Variants in CDC14B observed in about 807,000 individuals in gnomAD.
CDC14B encodes dual specificity protein phosphatase CDC14B.
Under a neutral mutation model 64.2 loss-of-function variants are expected in CDC14B, and 22 were observed. The observed-to-expected ratio is 0.34, with a 90% CI of 0.24 to 0.49. The LOEUF (loss-of-function observed/expected upper bound fraction) is 0.49. CDC14B is among the 20% of genes least tolerant of loss of function. CDC14B has a pLI of 0.99. For synonymous variants in CDC14B, 191 were observed against 215.8 expected (o/e 0.89, Z 1.01); for missense variants, 498 against 629.9 (o/e 0.79, Z 2.24).
chr9:96,525,146 A>G (rs928718799), intron 9 of CDC14B, among the ~76,000 whole-genome samples: 3 of 152,142 alleles, frequency 2.0e-5, no homozygotes, highest in Non-Finnish European at 4.4e-5. Flanking sequence ...ATTGCAAAAA[A>G]TAAGAGTGTT....
At position 96,534,047 on chromosome 9, in the gene CDC14B, C is replaced by G; in HGVS notation, c.826G>C (p.Ala276Pro). 1 of 1,613,198 alleles carries G rather than the reference C, an allele frequency of 6.2e-7. No individual in the cohort carries two copies. Among genetic ancestry groups the G allele is most frequent in the Non-Finnish European group, 8.5e-7 (1 of 1,179,330 alleles). ...AAAAGATCATGGTGATCGAAGCCAG[C>G]ATCCGTAAAGCGTTTGGCATCATAC... is the stretch of plus-strand genomic sequence containing the variant. ...RMYDAKRFTD[A>P]GFDHHDLFFA... Residue 276 changes from alanine to proline, a missense_variant, in exon 9 of 14, where the codon GCT becomes CCT. By Grantham distance (27) the Ala-to-Pro change is conservative. Coordinates refer to ENST00000375241, the MANE Select transcript of CDC14B (RefSeq NM_033331.4).
chr9:96,581,693 TA>T, intron 1 of CDC14B, among the ~76,000 whole-genome samples: 2 of 152,100 alleles, frequency 1.3e-5, no homozygotes, highest in Non-Finnish European at 2.9e-5. Context: ...TGTTAGTCCA[TA>T]AGTGAAAATA....
chr9:96,535,294 C>T (rs943481072), intron 7 of CDC14B, among the ~76,000 whole-genome samples: 3 of 151,786 alleles, frequency 2.0e-5, no homozygotes, highest in East Asian at 1.9e-4. Context: ...GCAACAAGAG[C>T]GAAACTCTGT....
chr9:96,566,876 G>A (rs1844071804), intron 1 of CDC14B: 1 of 1,569,674 alleles, frequency 6.4e-7, no homozygotes, highest in African/African-American at 1.4e-5. Flanking sequence ...CGAGAGGGGA[G>A]GCGCCGCGAC....
At chr9:96,614,803 G>C (rs1191975154) in intron 1 of CDC14B, among the ~76,000 whole-genome samples, 2 of 152,034 alleles carry the variant, frequency 1.3e-5, no homozygotes, top group African/African-American at 2.4e-5. Flanking sequence ...TCTGTACCCA[G>C]CATCTTTTTA....
Position 96,541,904 on chromosome 9 carries a change from G to T in CDC14B, c.498-12C>A. On this transcript the variant is annotated splice_polypyrimidine_tract_variant and intron_variant, in intron 5 of 13. Coordinates refer to ENST00000375241, the MANE Select transcript of CDC14B (RefSeq NM_033331.4). ...CATAGGCAGCATCTCTGAAACCCAA[G>T]AGTAATAAAATGTAGATCAGTTAAT... 1 of 1,595,168 alleles carries T rather than the reference G, an allele frequency of 6.3e-7. No homozygotes were observed. Among genetic ancestry groups the T allele is most frequent in the Non-Finnish European group, 8.6e-7 (1 of 1,165,794 alleles).
At chr9:96,507,196 T>TGGGAGGATGAGGC (rs931522285) in intron 13 of CDC14B, among the ~76,000 whole-genome samples, 2 of 151,378 alleles carry the variant, frequency 1.3e-5, no homozygotes, top group South Asian at 4.2e-4. Context: ...CCCAGCTACT[T>TGGGAGGATGAGGC]GGGAGGATGA....
At chr9:96,528,532 A>C (rs1487482275) in intron 9 of CDC14B, among the ~76,000 whole-genome samples, 3 of 150,348 alleles carry the variant, frequency 2.0e-5, no homozygotes, top group South Asian at 2.1e-4. Flanking sequence ...AAAAAAAAGA[A>C]AAAAAAAGAA....
At chr9:96,574,426 A>C (rs1244115873) in intron 1 of CDC14B, among the ~76,000 whole-genome samples, 1 of 152,122 alleles carries the variant, frequency 6.6e-6, no homozygotes, top group African/African-American at 2.4e-5. Flanking sequence ...CTACACACCA[A>C]AGACAAAAAA....
At chr9:96,618,609 A>G (rs1269978729) in intron 1 of CDC14B, 3 of 532,034 alleles carry the variant, frequency 5.6e-6, no homozygotes, top group Non-Finnish European at 1.2e-5. Context: ...CGGGGAGCGG[A>G]CCCCGGGAGG....
intron 1 of CDC14B, among the ~76,000 whole-genome samples, chr9:96,603,256 G>A (rs142449357): frequency 1.3e-3 from 198 of 151,494 alleles, no homozygotes; most frequent in African/African-American, 3.8e-3. Flanking sequence ...TTATGGGGAG[G>A]GAAAACAGGA....
At chr9:96,557,516 T>A (rs1046550949) in intron 4 of CDC14B, among the ~76,000 whole-genome samples, 1 of 152,236 alleles carries the variant, frequency 6.6e-6, no homozygotes, top group African/African-American at 2.4e-5. Flanking sequence ...GAGTCCAAGA[T>A]AATTAAATCA....
At chr9:96,542,180 C>A (rs1010226402) in intron 5 of CDC14B, among the ~76,000 whole-genome samples, 4 of 151,322 alleles carry the variant, frequency 2.6e-5, no homozygotes, top group African/African-American at 4.9e-5. Flanking sequence ...GCTGAGCCAC[C>A]TTCTTGAATT....
intron 1 of CDC14B, among the ~76,000 whole-genome samples, chr9:96,581,905 A>G (rs926077905): frequency 6.6e-6 from 1 of 152,196 alleles, no homozygotes; most frequent in East Asian, 1.9e-4. Context: ...AAATGGAAAG[A>G]TGCGATAACA....
At chr9:96,526,477 T>C (rs1587822773) in intron 9 of CDC14B, among the ~76,000 whole-genome samples, 1 of 152,262 alleles carries the variant, frequency 6.6e-6, no homozygotes, top group Middle Eastern at 3.4e-3. Context: ...CCAGAAAACA[T>C]CCCTGCCAGT....
intron 1 of CDC14B, among the ~76,000 whole-genome samples, chr9:96,604,407 T>A (rs1409714754): frequency 6.7e-6 from 1 of 149,262 alleles, no homozygotes; most frequent in East Asian, 2.0e-4. Flanking sequence ...TGAGACAGAG[T>A]TTCCCTCTTG....
chr9:96,520,824 C>T (rs538726416), intron 12 of CDC14B, among the ~76,000 whole-genome samples: 1 of 150,504 alleles, frequency 6.6e-6, no homozygotes, highest in East Asian at 2.0e-4. Context: ...CCCACCCCAC[C>T]AATCATAACC....
intron 7 of CDC14B, among the ~76,000 whole-genome samples, chr9:96,535,600 G>A (rs975365463): frequency 2.6e-5 from 4 of 152,182 alleles, no homozygotes; most frequent in African/African-American, 4.8e-5. Flanking sequence ...GAGAGGACTC[G>A]TGATTAAAAA....
intron 1 of CDC14B, among the ~76,000 whole-genome samples, chr9:96,604,705 G>GGAGTGTAGTGGCACGA (rs1846762555): frequency 6.6e-6 from 1 of 150,784 alleles, no homozygotes; most frequent in Non-Finnish European, 1.5e-5. Context: ...GTCTTGCTCT[G>GGAGTGTAGTGGCACGA]TCCCCCAGGC....
Sources: gnomAD v4.1 joint callset for allele counts (sites outside exome capture counted in the v4.1 genomes callset) on GRCh38, gnomAD v4.1.1 for gene constraint, MANE v1.5 for transcripts, NCBI Gene and HGNC (gene_info 2026-07-23, HGNC 2026-07-21) for gene names.